Variants in GRID2 observed in about 807,000 individuals in gnomAD.
GRID2 encodes the protein glutamate ionotropic receptor delta type subunit 2, also known as glutamate receptor ionotropic, delta-2.
In GRID2, 33 loss-of-function variants were observed where a neutral mutation model predicts 114.8. The ratio of observed to expected loss-of-function variants is 0.29; its 90% CI spans 0.22 to 0.38. The LOEUF is 0.38. Among genes scored for constraint, GRID2 ranks in the 10% least tolerant of loss-of-function variants. GRID2 has a pLI of 1.00. For synonymous variants in GRID2, 505 were observed against 449.9 expected (o/e 1.12, Z -1.55); for missense variants, 1,184 against 1,257.7 (o/e 0.94, Z 0.89).
intron 11 of GRID2, among the ~76,000 whole-genome samples, chr4:93,459,301 A>G (rs1723517541): frequency 6.6e-6 from 1 of 150,884 alleles, no homozygotes; most frequent in South Asian, 2.1e-4. Flanking sequence ...GTCTGTATTT[A>G]TAAAATAGGA....
intron 2 of GRID2, among the ~76,000 whole-genome samples, chr4:92,723,346 G>T (rs1014301775): frequency 6.6e-6 from 1 of 152,122 alleles, no homozygotes; most frequent in Non-Finnish European, 1.5e-5. Flanking sequence ...ACTTTAAGAC[G>T]TTGGTAATGA....
chr4:92,928,925 A>G (rs2149517372), intron 2 of GRID2, among the ~76,000 whole-genome samples: 1 of 151,592 alleles, frequency 6.6e-6, no homozygotes, highest in Middle Eastern at 3.4e-3. Flanking sequence ...CCCATCTAGT[A>G]AAAGCAATGA....
At chr4:92,478,817 T>C (rs1722443227) in intron 1 of GRID2, among the ~76,000 whole-genome samples, 1 of 152,134 alleles carries the variant, frequency 6.6e-6, no homozygotes, top group Non-Finnish European at 1.5e-5. Flanking sequence ...TTCAAATTTG[T>C]CATCAATTTT....
In GRID2 at chr4:93,806,714, G is replaced by A. The variant is rs879793947; in HGVS notation, c.222-1G>A. ...TGACCTTATGCTTTATTTCCCCACA[G>A]GCTTCATCCCTGCAGAATGAAACTA... On this transcript the variant is annotated splice_acceptor_variant, in intron 1 of 1. Transcript: ENST00000637838. LOFTEE classifies it high-confidence loss of function. The A allele has an allele frequency of 5.7e-4, 86 of 152,194 alleles. 1 individual carries two copies. The highest frequency in any genetic ancestry group is 1.6e-4 in the Non-Finnish European group (11 of 68,048). The allele number at this position is 152,194 out of a possible 1,614,324, so 9.4% of individuals were successfully genotyped here.
intron 11 of GRID2, among the ~76,000 whole-genome samples, chr4:93,489,670 T>C (rs888840524): frequency 6.6e-6 from 1 of 151,754 alleles, no homozygotes; most frequent in Non-Finnish European, 1.5e-5. Flanking sequence ...GAGGTAGGAT[T>C]TGGGATGTAA....
At chr4:92,545,220 A>T (rs79615034) in intron 1 of GRID2, among the ~76,000 whole-genome samples, 1 of 151,200 alleles carries the variant, frequency 6.6e-6, no homozygotes, top group Non-Finnish European at 1.5e-5. Flanking sequence ...AAAAAAAAAA[A>T]TGTGTGGTAG....
chr4:92,438,552 A>G (rs1307561604), intron 1 of GRID2, among the ~76,000 whole-genome samples: 3 of 151,592 alleles, frequency 2.0e-5, no homozygotes, highest in Admixed American at 2.0e-4. Context: ...TTTTTATAAA[A>G]TAATATTCAT....
intron 8 of GRID2, among the ~76,000 whole-genome samples, chr4:93,382,853 G>A (rs923461027): frequency 7.3e-5 from 11 of 150,446 alleles, no homozygotes; most frequent in East Asian, 1.9e-4. Flanking sequence ...TAGTAACTCC[G>A]GCAATCAGAT....
At chr4:93,515,441 C>T (rs368242085) in intron 13 of GRID2, 30 bp downstream of exon 13, 1 of 1,391,128 alleles carries the variant, frequency 7.2e-7, no homozygotes, top group East Asian at 2.4e-5. Flanking sequence ...TTTAATAGTC[C>T]TTACCATTTT....
At chr4:92,653,327 CTGTGTG>C (rs112109018) in intron 2 of GRID2, among the ~76,000 whole-genome samples, 13 of 146,210 alleles carry the variant, frequency 8.9e-5, no homozygotes, top group East Asian at 2.0e-4. Context: ...ACACATGTGT[CTGTGTG>C]TGTGTGTGTG....
intron 2 of GRID2, among the ~76,000 whole-genome samples, chr4:92,723,489 A>G (rs1457119971): frequency 1.3e-5 from 2 of 152,306 alleles, no homozygotes; most frequent in East Asian, 3.9e-4. Context: ...TTACTTAAAT[A>G]TCTATCTTGC....
chr4:93,531,959 C>T (rs1731490799), intron 13 of GRID2, among the ~76,000 whole-genome samples: 1 of 151,996 alleles, frequency 6.6e-6, no homozygotes, highest in Non-Finnish European at 1.5e-5. Flanking sequence ...TTAAATATTT[C>T]TTTAAGAATC....
At chr4:93,715,070 C>T (rs770090420) in intron 14 of GRID2, among the ~76,000 whole-genome samples, 4 of 152,114 alleles carry the variant, frequency 2.6e-5, no homozygotes, top group Non-Finnish European at 5.9e-5. Context: ...TTGGGTTTTA[C>T]ATTTAAATTT....
At chr4:92,356,843 G>A (rs1728352361) in intron 1 of GRID2, among the ~76,000 whole-genome samples, 1 of 151,784 alleles carries the variant, frequency 6.6e-6, no homozygotes, top group South Asian at 2.1e-4. Context: ...AAAAATTGAT[G>A]TGCAGGGGGA....
intron 13 of GRID2, among the ~76,000 whole-genome samples, chr4:93,608,160 A>T (rs1043853825): frequency 1.3e-5 from 2 of 150,084 alleles, no homozygotes; most frequent in Middle Eastern, 3.2e-3. Flanking sequence ...ATATATACAC[A>T]TATGTATTCT....
chr4:92,711,392 G>A (rs1735241526), intron 2 of GRID2, among the ~76,000 whole-genome samples: 1 of 152,096 alleles, frequency 6.6e-6, no homozygotes, highest in Non-Finnish European at 1.5e-5. Context: ...ATTTACTTTA[G>A]GATATTAGCA....
At chr4:93,585,460 A>AC (rs1232013766) in intron 13 of GRID2, among the ~76,000 whole-genome samples, 1 of 152,066 alleles carries the variant, frequency 6.6e-6, no homozygotes, top group African/African-American at 2.4e-5. Context: ...AACAAGATTA[A>AC]CTTTTTTTCC....
intron 4 of GRID2, among the ~76,000 whole-genome samples, chr4:93,205,202 T>A (rs934480575): frequency 2.6e-5 from 4 of 152,020 alleles, no homozygotes; most frequent in African/African-American, 9.7e-5. Flanking sequence ...TTACCATTAC[T>A]GGTATAAAGT....
At chr4:93,051,740 A>G (rs1726737618) in intron 2 of GRID2, among the ~76,000 whole-genome samples, 1 of 151,998 alleles carries the variant, frequency 6.6e-6, no homozygotes, top group African/African-American at 2.4e-5. Context: ...GCATATAGAA[A>G]TACTATTCTT....
Sources: allele counts gnomAD v4.1 joint callset (sites outside exome capture counted in the v4.1 genomes callset), GRCh38; gene constraint gnomAD v4.1.1; transcripts MANE v1.5; gene names NCBI Gene and HGNC (gene_info 2026-07-23, HGNC 2026-07-21).